Variants in PCSK6 observed in about 807,000 individuals in gnomAD.
The protein encoded by PCSK6 is paired basic amino acid cleaving enzyme 4.
In PCSK6, 85 loss-of-function variants were observed where a neutral mutation model predicts 123.3. That is an observed-to-expected ratio of 0.69 (90% CI 0.58 to 0.83). The LOEUF is 0.83. Among genes scored for constraint, PCSK6 ranks in the 40% least tolerant of loss-of-function variants. The pLI, the probability that PCSK6 is intolerant of heterozygous loss-of-function variation, is 0.00. For missense variants in PCSK6, 1,191 were observed against 1,282.3 expected, an observed-to-expected ratio of 0.93 and a Z score of 1.09; for synonymous variants, 508 against 516.0, an observed-to-expected ratio of 0.98 and a Z score of 0.21.
chr15:101,453,537 C>T (rs115599632), intron 1 of PCSK6, among the ~76,000 whole-genome samples: 4,745 of 152,282 alleles, frequency 0.031, 234 homozygotes, highest in African/African-American at 0.11. Flanking sequence ...CCCAGAACTG[C>T]GAGATCTCCT....
At chr15:101,385,898 C>T (rs1285235730) in intron 9 of PCSK6, among the ~76,000 whole-genome samples, 2 of 152,198 alleles carry the variant, frequency 1.3e-5, no homozygotes, top group Non-Finnish European at 2.9e-5. Flanking sequence ...ATCTTTTATT[C>T]CTTTTTTAGT....
rs10525638 is a variant in PCSK6 at position 101,392,593 on chromosome 15, C to CTTTTTTTTTTTTTT, written c.1209+605_1209+618dup. 6.3e-4 allele frequency among the ~76,000 whole-genome samples: 77 copies of CTTTTTTTTTTTTTT among 122,338 alleles called. 1 individual carries two copies. The highest frequency in any genetic ancestry group is 2.4e-3 in the African/African-American group (72 of 30,428). The allele number at this position is 122,338 out of a possible 152,430, so 80.3% of individuals were successfully genotyped here. ...TTTGAACTGGAAACCCTCCCTTCCT[C>CTTTTTTTTTTTTTT]TTTTTTTTTTTTTTTTTAAGTAGGA... On this transcript the variant is annotated intron_variant, in intron 8 of 21. Coordinates refer to ENST00000611716, the MANE Select transcript of PCSK6 (RefSeq NM_002570.5).
intron 13 of PCSK6, among the ~76,000 whole-genome samples, chr15:101,340,283 A>G (rs1449501828): frequency 6.6e-6 from 1 of 152,160 alleles, no homozygotes; most frequent in African/African-American, 2.4e-5. Context: ...GGGAGATACA[A>G]GGCTTCCCTG....
At chr15:101,457,227 T>C (rs2057210299) in intron 1 of PCSK6, among the ~76,000 whole-genome samples, 1 of 152,062 alleles carries the variant, frequency 6.6e-6, no homozygotes, top group Non-Finnish European at 1.5e-5. Flanking sequence ...AACTCAGCAG[T>C]TGAGGTCTTG....
chr15:101,484,418 C>A (rs1160990579), intron 1 of PCSK6, among the ~76,000 whole-genome samples: 4 of 152,188 alleles, frequency 2.6e-5, no homozygotes, highest in Non-Finnish European at 5.9e-5. Flanking sequence ...GAGTTTCACT[C>A]TACTCGTCGG....
intron 13 of PCSK6, chr15:101,334,224 C>A (rs1007102749): frequency 1.4e-5 from 2 of 147,362 alleles, no homozygotes; most frequent in Admixed American, 6.8e-5. Flanking sequence ...TTGTTCTCAC[C>A]GCTGCAGCAG....
intron 1 of PCSK6, among the ~76,000 whole-genome samples, chr15:101,458,922 AC>A (rs1267922739): frequency 6.6e-6 from 1 of 151,958 alleles, no homozygotes; most frequent in African/African-American, 2.4e-5. Flanking sequence ...TCATTTAACC[AC>A]CCCGACATCC....
chr15:101,469,266 TG>T (rs2057543246), intron 1 of PCSK6, among the ~76,000 whole-genome samples: 1 of 152,142 alleles, frequency 6.6e-6, no homozygotes, highest in Admixed American at 6.6e-5. Flanking sequence ...CAAGAAAAGC[TG>T]GGGGAGAGGA....
chr15:101,411,862 C>G (rs2055700798), intron 6 of PCSK6, among the ~76,000 whole-genome samples: 1 of 152,164 alleles, frequency 6.6e-6, no homozygotes, highest in Non-Finnish European at 1.5e-5. Flanking sequence ...CAAAAGGGGC[C>G]CACTTGCATG....
At chr15:101,336,489 A>G (rs1464947392) in intron 13 of PCSK6, among the ~76,000 whole-genome samples, 2 of 152,246 alleles carry the variant, frequency 1.3e-5, no homozygotes, top group Non-Finnish European at 2.9e-5. Context: ...TATGGCTTAC[A>G]TTGCCAATCC....
rs78623134 is a variant in PCSK6 at position 101,319,995 on chromosome 15, T to C, written c.2466-1573A>G. 7.9e-5 allele frequency among the ~76,000 whole-genome samples: 12 copies of C among 152,242 alleles called. No individual in the cohort carries two copies. The East Asian group carries it at 2.1e-3, about 27-fold the overall frequency. ...ACAGGCTACCATGTGGGACTCGTGA[T>C]TGACATCAAAGTGGGGCAGTCTTGG... On this transcript the variant is annotated intron_variant, in intron 18 of 21. Coordinates refer to ENST00000611716, the MANE Select transcript of PCSK6 (RefSeq NM_002570.5).
intron 8 of PCSK6, 51 bp from the exon 9 acceptor site, chr15:101,389,615 A>G: frequency 6.8e-7 from 1 of 1,463,642 alleles, no homozygotes; most frequent in Non-Finnish European, 9.4e-7. Context: ...AGGCTAACTC[A>G]CTCTGTGGAG....
intron 6 of PCSK6, among the ~76,000 whole-genome samples, chr15:101,422,103 C>T (rs2056101649): frequency 6.6e-6 from 1 of 152,208 alleles, no homozygotes; most frequent in Non-Finnish European, 1.5e-5. Context: ...CTTGAGGGAA[C>T]TTTCCATTTC....
At chr15:101,385,640 C>A (rs2042039499) in intron 9 of PCSK6, among the ~76,000 whole-genome samples, 1 of 152,178 alleles carries the variant, frequency 6.6e-6, no homozygotes. Context: ...TTCATACTAT[C>A]TGTACACAGA....
Position 101,398,429 on chromosome 15 carries a change from T to TGCTTA in PCSK6, c.966_970dup (p.Gln324LeufsTer113). 2 of 1,612,844 alleles carry TGCTTA rather than the reference T, an allele frequency of 1.2e-6. No homozygotes were observed. Among genetic ancestry groups the TGCTTA allele is most frequent in the Non-Finnish European group, 1.7e-6 (2 of 1,179,004 alleles). On this transcript the variant is annotated frameshift_variant, in exon 7 of 22. Transcript: ENST00000611716. LOFTEE classifies it high-confidence loss of function. The surrounding 1 kb of genome is among the most constrained non-coding windows in gnomAD (Gnocchi z 4.6). The stretch of plus-strand genomic sequence containing the variant: ...CTTTTTAATGCCATACTCGAAAGCC[T>TGCTTA]GCTTAGCCAGTCGGCCGGGCCCGTC...
At chr15:101,339,934 A>T (rs1481865581) in intron 13 of PCSK6, among the ~76,000 whole-genome samples, 2 of 146,602 alleles carry the variant, frequency 1.4e-5, no homozygotes, top group East Asian at 2.0e-4. Flanking sequence ...TATATATATA[A>T]AATTACACAT....
chr15:101,347,418 G>T (rs552595276), intron 13 of PCSK6: 572 of 1,238,348 alleles, frequency 4.6e-4, no homozygotes, highest in Admixed American at 9.7e-4. Context: ...TTTTTAGGAT[G>T]AATAAAGGGA....
At chr15:101,417,090 C>CTATAT (rs1170524675) in intron 6 of PCSK6, among the ~76,000 whole-genome samples, 1 of 152,148 alleles carries the variant, frequency 6.6e-6, no homozygotes, top group Admixed American at 6.5e-5. Flanking sequence ...GGAAAAGCTA[C>CTATAT]TATATTATAT....
intron 1 of PCSK6, among the ~76,000 whole-genome samples, chr15:101,466,194 A>G (rs757283104): frequency 6.6e-6 from 1 of 152,250 alleles, no homozygotes; most frequent in African/African-American, 2.4e-5. Context: ...TAAAAGCCAC[A>G]TAAACCCACT....
Sources: allele counts gnomAD v4.1 joint callset (sites outside exome capture counted in the v4.1 genomes callset), GRCh38; gene constraint gnomAD v4.1.1; non-coding constraint Gnocchi (gnomAD v3.1); transcripts MANE v1.5; gene names NCBI Gene and HGNC (gene_info 2026-07-23, HGNC 2026-07-21).